Variants in LPAR1 observed in about 807,000 individuals in gnomAD.
LPAR1 encodes lysophosphatidic acid receptor 1.
LPAR1 carries 5 observed loss-of-function variants against 23.8 expected under a neutral mutation model. That is an observed-to-expected ratio of 0.21 (90% CI 0.11 to 0.44). LPAR1 has a LOEUF of 0.44. Among genes scored for constraint, LPAR1 ranks in the 20% least tolerant of loss-of-function variants. The pLI, the probability that LPAR1 is intolerant of heterozygous loss-of-function variation, is 0.99. For missense variants in LPAR1, 311 were observed against 482.8 expected (o/e 0.64, Z 3.33); for synonymous variants, 160 against 164.7 (o/e 0.97, Z 0.22).
chr9:110,892,767 GGGAAGGAAGGAAGGAAGGAA>G lies in LPAR1; in HGVS notation c.794-17065_794-17046del, dbSNP rs757546909. Reference sequence around the variant, plus strand: ...AAGAGGGAGGGAGGAAGGGGAGGAAGGGAAGGAAGGAAGGAAGGAAGGAAGGAAGGAAGGAAGGAAGGAAG... The same window carrying G: ...AAGAGGGAGGGAGGAAGGGGAGGAAGGGAAGGAAGGAAGGAAGGAAGGAAG... On this transcript the variant is annotated intron_variant, in intron 5 of 5. Transcript: ENST00000683809. 6.4e-4 allele frequency among the ~76,000 whole-genome samples: 62 copies of G among 97,350 alleles called. 1 individual carries two copies. In the South Asian group the frequency reaches 6.6e-3, roughly 10 times the overall value. The allele number at this position is 97,350 out of a possible 152,430, so 63.9% of individuals were successfully genotyped here. A position where few individuals can be genotyped will look rare whatever the true frequency, so the allele number is the denominator to read the frequency against.
intron 5 of LPAR1, among the ~76,000 whole-genome samples, chr9:110,930,459 G>C (rs1564496698): frequency 2.0e-5 from 3 of 151,854 alleles, no homozygotes; most frequent in Non-Finnish European, 4.4e-5. Flanking sequence ...CAGTGAGGTG[G>C]AGATTGCGCC....
At chr9:110,929,994 T>C (rs961016050) in intron 5 of LPAR1, among the ~76,000 whole-genome samples, 4 of 152,100 alleles carry the variant, frequency 2.6e-5, no homozygotes, top group African/African-American at 9.7e-5. Flanking sequence ...ATGAAACAGC[T>C]GCCTGTGAAT....
intron 2 of LPAR1, among the ~76,000 whole-genome samples, chr9:111,015,449 C>G (rs2097424618): frequency 2.0e-5 from 3 of 152,152 alleles, no homozygotes; most frequent in Admixed American, 2.0e-4. Context: ...CTTAAGATAT[C>G]TCAGTACTAT....
chr9:110,982,773 CTCAAAA>C (rs985006222), intron 2 of LPAR1, among the ~76,000 whole-genome samples: 8 of 151,200 alleles, frequency 5.3e-5, no homozygotes, highest in African/African-American at 1.9e-4. Flanking sequence ...ACTCCTACAA[CTCAAAA>C]TCAAAAACAA....
chr9:110,978,571 T>C lies in LPAR1; in HGVS notation c.-181-5013A>G, dbSNP rs1436945395. The stretch of plus-strand genomic sequence containing the variant: ...TATCATTCTTCAGAGAGCCCTATAG[T>C]CTGATATAAACAAAATAGAAGAAAT... On this transcript the variant is annotated intron_variant, in intron 2 of 5. Transcript: ENST00000683809. Among the ~76,000 whole-genome samples, 3 of 152,314 alleles carry C rather than the reference T, an allele frequency of 2.0e-5. No individual in the cohort carries two copies. In the East Asian group the frequency reaches 5.8e-4, roughly 29 times the overall value.
At chr9:110,973,737 T>C (rs931151057) in intron 2 of LPAR1, among the ~76,000 whole-genome samples, 179 bp from the exon 3 acceptor site, 2 of 152,228 alleles carry the variant, frequency 1.3e-5, no homozygotes, top group African/African-American at 2.4e-5. Flanking sequence ...GATGTGACTC[T>C]TTCCACATTG....
rs115489957 is a variant in LPAR1, at chr9:111,011,520, C to T, written c.-182+24602G>A. On this transcript the variant is annotated intron_variant, in intron 2 of 5. Coordinates refer to ENST00000683809, the MANE Select transcript of LPAR1 (RefSeq NM_001351411.2). Reference sequence around the variant, plus strand: ...CTACTCTTTTGTAACCAAACTGAATCCCGTTCTTTAAACACTTCAAATCTT... The same window carrying T: ...CTACTCTTTTGTAACCAAACTGAATTCCGTTCTTTAAACACTTCAAATCTT... 5.2e-3 allele frequency among the ~76,000 whole-genome samples: 785 copies of T among 152,284 alleles called. 8 individuals carry two copies. Among genetic ancestry groups the T allele is most frequent in the African/African-American group, 0.018 (737 of 41,556 alleles).
chr9:111,000,877 A>T (rs1280193639), intron 2 of LPAR1, among the ~76,000 whole-genome samples: 1 of 152,162 alleles, frequency 6.6e-6, no homozygotes, highest in Non-Finnish European at 1.5e-5. Flanking sequence ...CAGTCTCCAG[A>T]GAGGTCGGTC....
chr9:110,886,843 TGTTGTCAACTC>T (rs2082559597), intron 5 of LPAR1, among the ~76,000 whole-genome samples: 1 of 152,190 alleles, frequency 6.6e-6, no homozygotes, highest in Non-Finnish European at 1.5e-5. Context: ...AGAAAATCAA[TGTTGTCAACTC>T]CAGACCAACA....
At position 110,941,290 on chromosome 9, in the gene LPAR1, C is replaced by T; in HGVS notation, c.793+131G>A. The T allele has an allele frequency of 1.2e-6, 1 of 805,330 alleles. No homozygotes were observed. The highest frequency in any genetic ancestry group is 1.7e-5 in the South Asian group (1 of 57,730). The allele number at this position is 805,330 out of a possible 1,614,324, so 49.9% of individuals were successfully genotyped here. A position where few individuals can be genotyped will look rare whatever the true frequency, so the allele number is the denominator to read the frequency against. ...GCTGACATTTAATATAAAGGTGCCT[C>T]ATCCCCTTGTAATTCCTGGTGAATT... On this transcript the variant is annotated intron_variant, in intron 5 of 5. Coordinates refer to ENST00000683809, the MANE Select transcript of LPAR1 (RefSeq NM_001351411.2). The surrounding 1 kb of genome is among the most constrained non-coding windows in gnomAD (Gnocchi z 6.1).
intron 5 of LPAR1, among the ~76,000 whole-genome samples, chr9:110,899,453 C>T (rs1025609333): frequency 1.4e-4 from 22 of 152,292 alleles, no homozygotes; most frequent in Middle Eastern, 3.4e-3. Context: ...AAATAATACA[C>T]AGACCTGGCT....
Position 110,920,210 on chromosome 9 carries a change from G to A in LPAR1, c.793+21211C>T, listed in dbSNP as rs16915536. On this transcript the variant is annotated intron_variant, in intron 5 of 5. Transcript: ENST00000683809. ...AGGCAGCAACAGCTCTAGCATGGGT[G>A]GAAGGTTTAGGCATCTGAATATTTG... Among the ~76,000 whole-genome samples the A allele has an allele frequency of 7.2e-4, 110 of 152,298 alleles. 1 individual carries two copies. The East Asian group carries it at 0.017, about 23-fold the overall frequency.
At position 110,874,435 on chromosome 9, in the gene LPAR1, G is replaced by T. The variant is rs2078697734; in HGVS notation, c.*986C>A. The T allele has an allele frequency of 6.6e-6, 1 of 152,558 alleles. No homozygotes were observed. Among genetic ancestry groups the T allele is most frequent in the African/African-American group, 2.4e-5 (1 of 41,434 alleles). The allele number at this position is 152,558 out of a possible 1,614,324, so 9.5% of individuals were successfully genotyped here. On this transcript the variant is annotated 3_prime_UTR_variant, in exon 6 of 6. Transcript: ENST00000683809. ...ATACAATACACATATAGGCATACAT[G>T]GGGGTTGCTTTTTAAAGGTGGTTAC...
intron 4 of LPAR1, among the ~76,000 whole-genome samples, chr9:110,945,084 T>C (rs961162174): frequency 6.6e-6 from 1 of 152,194 alleles, no homozygotes; most frequent in Non-Finnish European, 1.5e-5. Flanking sequence ...ACTGAACTGA[T>C]AGAGGAATTA....
intron 5 of LPAR1, among the ~76,000 whole-genome samples, chr9:110,889,876 T>C (rs1316830446): frequency 1.3e-5 from 2 of 152,104 alleles, no homozygotes; most frequent in African/African-American, 4.8e-5. Flanking sequence ...GCCAAAATAT[T>C]TTTACAAATG....
intron 2 of LPAR1, among the ~76,000 whole-genome samples, chr9:111,007,395 C>A (rs187940063): frequency 6.6e-6 from 1 of 151,908 alleles, no homozygotes; most frequent in African/African-American, 2.4e-5. Flanking sequence ...AGTTTAAAAA[C>A]GAAAATTATA....
chr9:111,018,084 G>A (rs765870650), intron 2 of LPAR1, among the ~76,000 whole-genome samples: 4 of 152,064 alleles, frequency 2.6e-5, no homozygotes, highest in African/African-American at 9.7e-5. Context: ...TAAAACTAAG[G>A]GAAGCTTGAA....
intron 4 of LPAR1, among the ~76,000 whole-genome samples, chr9:110,949,796 G>A (rs955324315): frequency 2.0e-5 from 3 of 152,002 alleles, no homozygotes; most frequent in African/African-American, 4.8e-5. Flanking sequence ...CAGAAGATGG[G>A]GTGTGTGTAT....
intron 2 of LPAR1, among the ~76,000 whole-genome samples, chr9:111,017,452 T>C (rs867015402): frequency 2.0e-5 from 3 of 152,176 alleles, no homozygotes; most frequent in Non-Finnish European, 4.4e-5. Context: ...AAATTGCAAA[T>C]CTATTACCTC....
Sources: gnomAD v4.1 joint callset for allele counts (sites outside exome capture counted in the v4.1 genomes callset) on GRCh38, gnomAD v4.1.1 for gene constraint, Gnocchi (gnomAD v3.1) non-coding constraint, MANE v1.5 for transcripts, NCBI Gene and HGNC (gene_info 2026-07-23, HGNC 2026-07-21) for gene names.